Variants in LAMA3 observed in about 807,000 individuals in gnomAD.
The protein encoded by LAMA3 is laminin subunit alpha-3.
Under a neutral mutation model 402.0 loss-of-function variants are expected in LAMA3, and 281 were observed. The ratio of observed to expected loss-of-function variants is 0.70; its 90% CI spans 0.63 to 0.77. LAMA3 has a LOEUF of 0.77. Among genes scored for constraint, LAMA3 ranks in the 30% least tolerant of loss-of-function variants. The probability of loss-of-function intolerance (pLI) is 0.00; values close to 1 mark genes in which losing one functional copy is unlikely to be tolerated. For missense variants in LAMA3, 3,840 were observed against 4,215.5 expected, an observed-to-expected ratio of 0.91 and a Z score of 2.47; for synonymous variants, 1,431 against 1,558.4, an observed-to-expected ratio of 0.92 and a Z score of 1.93.
chr18:23,762,861 T>TATA lies in LAMA3; in HGVS notation c.1064-544_1064-543insATA, dbSNP rs543627019. Among the ~76,000 whole-genome samples, 481 of 132,570 alleles carry TATA rather than the reference T, an allele frequency of 3.6e-3. 5 individuals carry two copies. The highest frequency in any genetic ancestry group is 9.3e-3 in the South Asian group (39 of 4,176). The allele number at this position is 132,570 out of a possible 152,430, so 87.0% of individuals were successfully genotyped here. ...GCCTCCCAAGTAGTATATATATATA[T>TATA]TTTTTTTTTTTTTGAGATGGAGTCT... On this transcript the variant is annotated intron_variant, in intron 7 of 74. Transcript: ENST00000313654.
chr18:23,711,015 A>C (rs777036262), intron 1 of LAMA3, among the ~76,000 whole-genome samples: 1 of 152,194 alleles, frequency 6.6e-6, no homozygotes, highest in Non-Finnish European at 1.5e-5. Flanking sequence ...TGGCTAATAC[A>C]AAGTTAATCC....
chr18:23,840,041 C>T, intron 27 of LAMA3, 112 bp downstream of exon 27: 1 of 1,178,152 alleles, frequency 8.5e-7, no homozygotes. Context: ...CACTACAGAC[C>T]TACTGAGTTG....
intron 39 of LAMA3, 128 bp from the exon 40 acceptor site, chr18:23,881,808 A>G: frequency 1.4e-6 from 1 of 700,616 alleles, no homozygotes; most frequent in Non-Finnish European, 2.6e-6. Flanking sequence ...ATACATGGTT[A>G]GAGGAGCTGA....
At position 23,748,202 on chromosome 18, in the gene LAMA3, G is replaced by T. The variant is rs2061684751; in HGVS notation, c.565+142G>T. On this transcript the variant is annotated intron_variant, in intron 3 of 74. Transcript: ENST00000313654. ...CCAGCATTTTGGAAGGCCAAGGCGGGTGGATTACCTGAGGTCAGGAGTTTG... is the reference window on the plus strand; with the variant it reads ...CCAGCATTTTGGAAGGCCAAGGCGGTTGGATTACCTGAGGTCAGGAGTTTG... 1.4e-4 allele frequency: 93 copies of T among 687,890 alleles called. No individual in the cohort carries two copies. In the South Asian group the frequency reaches 1.4e-3, roughly 10 times the overall value. The allele number at this position is 687,890 out of a possible 1,614,324, so 42.6% of individuals were successfully genotyped here.
chr18:23,827,266 T>A, intron 22 of LAMA3, 48 bp from the exon 23 acceptor site: 2 of 1,595,256 alleles, frequency 1.3e-6, no homozygotes, highest in Admixed American at 1.7e-5. Context: ...TTCCGTTTGA[T>A]GTTCTCAGTT....
At chr18:23,730,793 C>G (rs987485124) in intron 2 of LAMA3, among the ~76,000 whole-genome samples, 4 of 151,938 alleles carry the variant, frequency 2.6e-5, no homozygotes, top group Admixed American at 6.6e-5. Flanking sequence ...ATACGCTGTC[C>G]GGGCATATTT....
intron 2 of LAMA3, among the ~76,000 whole-genome samples, chr18:23,722,768 A>C (rs2061236436): frequency 1.3e-5 from 2 of 152,226 alleles, no homozygotes. Flanking sequence ...CTCTCAGTCT[A>C]TACAGATAGA....
rs762645654 is a variant in LAMA3 at position 23,810,352 on chromosome 18, A to G, written c.1604-14A>G. The G allele has an allele frequency of 1.2e-6, 2 of 1,613,946 alleles. No individual in the cohort carries two copies. Among genetic ancestry groups the G allele is most frequent in the African/African-American group, 1.3e-5 (1 of 74,980 alleles). On this transcript the variant is annotated splice_polypyrimidine_tract_variant and intron_variant, in intron 12 of 74. Transcript: ENST00000313654. Reference sequence around the variant, plus strand: ...GCAACCCCCGCCTAAGTCTGATTGAATTCTTTCATCCAGCCTGCTGGTGTT... The same window carrying G: ...GCAACCCCCGCCTAAGTCTGATTGAGTTCTTTCATCCAGCCTGCTGGTGTT...
chr18:23,860,606 T>C (rs1468049145), intron 34 of LAMA3, among the ~76,000 whole-genome samples: 1 of 152,000 alleles, frequency 6.6e-6, no homozygotes, highest in Non-Finnish European at 1.5e-5. Flanking sequence ...AAACTTTTCT[T>C]GTTTTCATTA....
intron 34 of LAMA3, among the ~76,000 whole-genome samples, chr18:23,859,203 A>T (rs1336000381): frequency 1.3e-5 from 2 of 152,234 alleles, no homozygotes; most frequent in African/African-American, 4.8e-5. Context: ...ATCTCATTAA[A>T]TAAATCGAGT....
At chr18:23,825,919 A>G (rs539035819) in intron 21 of LAMA3, among the ~76,000 whole-genome samples, 1 of 152,312 alleles carries the variant, frequency 6.6e-6, no homozygotes, top group Admixed American at 6.5e-5. Context: ...CAAACTTACT[A>G]GTAGAACAGT....
intron 2 of LAMA3, among the ~76,000 whole-genome samples, chr18:23,731,916 G>A: frequency 6.6e-6 from 1 of 152,092 alleles, no homozygotes; most frequent in Non-Finnish European, 1.5e-5. Context: ...TAAAGTAAAA[G>A]TTGAAATTAT....
chr18:23,747,590 G>A (rs1385842193), intron 2 of LAMA3, among the ~76,000 whole-genome samples: 2 of 152,076 alleles, frequency 1.3e-5, no homozygotes, highest in African/African-American at 2.4e-5. Flanking sequence ...GCCCTGGGAG[G>A]GTTTAGCACG....
chr18:23,864,862 G>A lies in LAMA3; in HGVS notation c.4662G>A (p.Lys1554=). 1 of 1,613,100 alleles carries A rather than the reference G, an allele frequency of 6.2e-7. No homozygotes were observed. The highest frequency in any genetic ancestry group is 8.5e-7 in the Non-Finnish European group (1 of 1,179,274). The change falls in exon 36 of 75, where the codon AAG becomes AAA. Residue 1554 remains lysine, a synonymous_variant. Coordinates refer to ENST00000313654, the MANE Select transcript of LAMA3 (RefSeq NM_198129.4). ...GLPGDMVLLE[K]KPDVQLTGQH... is the part of the protein sequence containing the mutation. ...CTGGCGACATGGTTCTTCTGGAAAA[G>A]AAGCCGGATGTACAGCTCACTGTAG...
chr18:23,771,517 G>T (rs2062197830), intron 8 of LAMA3, among the ~76,000 whole-genome samples: 1 of 152,208 alleles, frequency 6.6e-6, no homozygotes, highest in Admixed American at 6.5e-5. Context: ...TCTTGACTCA[G>T]TGGATGTACA....
In LAMA3 at chr18:23,839,444, A is replaced by G. The variant is rs1166613209; in HGVS notation, c.3192-341A>G. 6.6e-6 allele frequency among the ~76,000 whole-genome samples: 1 copy of G among 152,184 alleles called. No homozygotes were observed. The highest frequency in any genetic ancestry group is 1.5e-5 in the Non-Finnish European group (1 of 68,022). On this transcript the variant is annotated intron_variant, in intron 26 of 74. Coordinates refer to ENST00000313654, the MANE Select transcript of LAMA3 (RefSeq NM_198129.4). The surrounding 1 kb of genome is among the most constrained non-coding windows in gnomAD (Gnocchi z 4.5). Reference sequence around the variant, plus strand: ...TTCTTTCTTATATAGTGTTCTGTCAATATTTATGTTTAGAGGTGAATAATG... The same window carrying G: ...TTCTTTCTTATATAGTGTTCTGTCAGTATTTATGTTTAGAGGTGAATAATG...
chr18:23,875,013 G>A (rs963126077), intron 38 of LAMA3, among the ~76,000 whole-genome samples: 1 of 152,136 alleles, frequency 6.6e-6, no homozygotes, highest in African/African-American at 2.4e-5. Flanking sequence ...ATAGGCATGT[G>A]CCACCATGCC....
rs138451075 is a variant in LAMA3, at chr18:23,901,237, C to T, written c.6115C>T (p.Arg2039Cys). The change falls in exon 48 of 75, where the codon CGT becomes TGT. Residue 2039 changes from arginine (R) to cysteine (C), a missense_variant. Physicochemically the swap from Arg to Cys is radical, Grantham distance 180. Coordinates refer to ENST00000313654, the MANE Select transcript of LAMA3 (RefSeq NM_198129.4). ...ATACGAAGCCAAACTCAGTGACCTT[C>T]GTGCTCGGCTGCAGGAGGCAGCTGC... The part of the protein sequence containing the change: ...NEYEAKLSDL[R>C]ARLQEAAAQA... The T allele has an allele frequency of 5.9e-5, 96 of 1,614,142 alleles. No individual in the cohort carries two copies. The highest frequency in any genetic ancestry group is 1.7e-4 in the Middle Eastern group (1 of 6,056).
In LAMA3 at chr18:23,918,434, T is replaced by G. The variant is rs531830396; in HGVS notation, c.7923+1739T>G. On this transcript the variant is annotated intron_variant, in intron 60 of 74. Transcript: ENST00000313654. The surrounding 1 kb of genome is among the most constrained non-coding windows in gnomAD (Gnocchi z 4.1). ...TTCCTGGGATCTCTAAGATCTAGACTGACTTCCTGCTGTTTCTGTCTTGAT... is the reference window on the plus strand; with the variant it reads ...TTCCTGGGATCTCTAAGATCTAGACGGACTTCCTGCTGTTTCTGTCTTGAT... Among the ~76,000 whole-genome samples the G allele has an allele frequency of 1.3e-5, 2 of 152,354 alleles. No individual in the cohort carries two copies. The highest frequency in any genetic ancestry group is 4.1e-4 in the South Asian group (2 of 4,826).
Sources: allele counts gnomAD v4.1 joint callset (sites outside exome capture counted in the v4.1 genomes callset), GRCh38; gene constraint gnomAD v4.1.1; non-coding constraint Gnocchi (gnomAD v3.1); transcripts MANE v1.5; gene names NCBI Gene and HGNC (gene_info 2026-07-23, HGNC 2026-07-21).